Variants in MGAT4C observed in about 807,000 individuals in gnomAD.
MGAT4C encodes alpha-1,3-mannosyl-glycoprotein 4-beta-N-acetylglucosaminyltransferase C.
Under a neutral mutation model 40.1 loss-of-function variants are expected in MGAT4C, and 19 were observed. That is an observed-to-expected ratio of 0.47 (90% CI 0.33 to 0.70). The LOEUF (loss-of-function observed/expected upper bound fraction) is 0.70, where lower values mean the gene tolerates loss of function less well. MGAT4C is among the 30% of genes least tolerant of loss of function. The pLI is 0.02. For missense variants in MGAT4C, 491 were observed against 563.2 expected (o/e 0.87, Z 1.30); for synonymous variants, 181 against 187.1 (o/e 0.97, Z 0.27).
intron 1 of MGAT4C, among the ~76,000 whole-genome samples, chr12:86,213,626 AC>A (rs1201560231): frequency 3.3e-5 from 5 of 152,170 alleles, no homozygotes; most frequent in South Asian, 2.1e-4. Flanking sequence ...TTTAAAAAAA[AC>A]AGTATATCAA....
chr12:86,653,552 A>C (rs910034309), intron 2 of MGAT4C, among the ~76,000 whole-genome samples: 3 of 151,926 alleles, frequency 2.0e-5, no homozygotes, highest in African/African-American at 7.2e-5. Context: ...ACCTGCTAAA[A>C]TTTGGATGTG....
chr12:86,011,422 T>G (rs956614303), intron 2 of MGAT4C, among the ~76,000 whole-genome samples: 1 of 152,174 alleles, frequency 6.6e-6, no homozygotes, highest in Non-Finnish European at 1.5e-5. Context: ...CTTTTAGAAT[T>G]TTAATTTTGG....
At chr12:86,408,473 C>CTA (rs1210910694) in intron 3 of MGAT4C, among the ~76,000 whole-genome samples, 18 of 108,120 alleles carry the variant, frequency 1.7e-4, no homozygotes, top group South Asian at 9.6e-4. Flanking sequence ...CTCTCTCTCT[C>CTA]TCTCTCTATA....
At chr12:86,335,106 A>G (rs1349822162) in intron 3 of MGAT4C, among the ~76,000 whole-genome samples, 1 of 152,062 alleles carries the variant, frequency 6.6e-6, no homozygotes, top group Non-Finnish European at 1.5e-5. Flanking sequence ...ATTATGGAAT[A>G]TTTTTGAATT....
intron 2 of MGAT4C, among the ~76,000 whole-genome samples, chr12:86,522,237 G>A (rs1958807402): frequency 6.6e-6 from 1 of 152,084 alleles, no homozygotes; most frequent in African/African-American, 2.4e-5. Context: ...TTGGCTGTGG[G>A]CTTATCATAT....
At chr12:86,533,779 C>A (rs1217998769) in intron 2 of MGAT4C, among the ~76,000 whole-genome samples, 1 of 151,706 alleles carries the variant, frequency 6.6e-6, no homozygotes, top group African/African-American at 2.4e-5. Flanking sequence ...CCAAAGTACA[C>A]CTGAGAAACT....
chr12:86,408,479 C>CTCTCTCTCTCTCTATATATATA (rs1267344319), intron 3 of MGAT4C, among the ~76,000 whole-genome samples: 7 of 63,344 alleles, frequency 1.1e-4, no homozygotes, highest in African/African-American at 4.7e-4. Flanking sequence ...CTCTCTCTCT[C>CTCTCTCTCTCTCTATATATATA]TATATATATA....
At chr12:86,667,447 G>T (rs574719987) in intron 2 of MGAT4C, among the ~76,000 whole-genome samples, 1 of 152,112 alleles carries the variant, frequency 6.6e-6, no homozygotes, top group East Asian at 1.9e-4. Context: ...ACTAGAATTC[G>T]TACTCCTATT....
intron 2 of MGAT4C, among the ~76,000 whole-genome samples, chr12:86,450,223 T>TC (rs2136286277): frequency 6.6e-6 from 1 of 152,258 alleles, no homozygotes; most frequent in Non-Finnish European, 1.5e-5. Context: ...ATTTGTTTTT[T>TC]CCCATACTCA....
chr12:86,524,165 T>C (rs1592950079), intron 2 of MGAT4C, among the ~76,000 whole-genome samples: 1 of 152,224 alleles, frequency 6.6e-6, no homozygotes, highest in South Asian at 2.1e-4. Context: ...GACTTGTTTA[T>C]GTAATTGTTT....
intron 1 of MGAT4C, among the ~76,000 whole-genome samples, chr12:86,097,675 G>A (rs564672113): frequency 3.3e-5 from 5 of 151,560 alleles, no homozygotes; most frequent in Middle Eastern, 3.4e-3. Context: ...AGTATGTATT[G>A]AGGAAAGAAA....
intron 3 of MGAT4C, among the ~76,000 whole-genome samples, chr12:86,397,951 G>A (rs937648620): frequency 9.9e-5 from 15 of 152,062 alleles, no homozygotes; most frequent in Non-Finnish European, 1.5e-5. Context: ...TGACAGAGAT[G>A]CCATTTCTTA....
chr12:86,680,688 C>G (rs538177354), intron 2 of MGAT4C, among the ~76,000 whole-genome samples: 1 of 151,900 alleles, frequency 6.6e-6, no homozygotes, highest in Non-Finnish European at 1.5e-5. Flanking sequence ...CTAATTTTTC[C>G]GATGTGGAAG....
At chr12:86,516,953 A>G (rs189222681) in intron 2 of MGAT4C, among the ~76,000 whole-genome samples, 8 of 152,318 alleles carry the variant, frequency 5.3e-5, no homozygotes, top group African/African-American at 1.7e-4. Flanking sequence ...AAAGAGCAGC[A>G]TCATTAGTCA....
intron 1 of MGAT4C, among the ~76,000 whole-genome samples, chr12:86,102,971 ATATAATAAAG>A (rs1199210751): frequency 6.6e-6 from 1 of 152,184 alleles, no homozygotes; most frequent in Non-Finnish European, 1.5e-5. Context: ...AAAAGGGCAA[ATATAATAAAG>A]TATTTATAAA....
At chr12:86,767,486 A>C (rs1279729881) in intron 1 of MGAT4C, among the ~76,000 whole-genome samples, 1 of 152,206 alleles carries the variant, frequency 6.6e-6, no homozygotes, top group African/African-American at 2.4e-5. Flanking sequence ...AATCAATAGA[A>C]AAAGAGGGAA....
chr12:86,745,437 T>C (rs1565961376), intron 1 of MGAT4C, among the ~76,000 whole-genome samples: 1 of 151,678 alleles, frequency 6.6e-6, no homozygotes, highest in Non-Finnish European at 1.5e-5. Flanking sequence ...ACTTCTTGAA[T>C]ATAATGTTGA....
intron 1 of MGAT4C, among the ~76,000 whole-genome samples, chr12:86,092,636 T>A (rs959416297): frequency 6.6e-6 from 1 of 152,172 alleles, no homozygotes; most frequent in African/African-American, 2.4e-5. Flanking sequence ...TTTTCATTTA[T>A]TTCTGAGTTC....
chr12:86,086,561 G>T (rs923585256), intron 1 of MGAT4C, among the ~76,000 whole-genome samples: 1 of 151,876 alleles, frequency 6.6e-6, no homozygotes, highest in African/African-American at 2.4e-5. Flanking sequence ...ATACATAATA[G>T]TTGTACATAT....
Sources: gnomAD v4.1 joint callset for allele counts (sites outside exome capture counted in the v4.1 genomes callset) on GRCh38, gnomAD v4.1.1 for gene constraint, MANE v1.5 for transcripts, NCBI Gene and HGNC (gene_info 2026-07-23, HGNC 2026-07-21) for gene names.